NXPE4: variants seen among roughly 807,000 people sequenced by gnomAD.
NXPE4 encodes neurexophilin and PC-esterase domain family member 4.
Under a neutral mutation model 33.3 loss-of-function variants are expected in NXPE4, and 42 were observed. The observed-to-expected ratio is 1.26, with a 90% CI of 0.98 to 1.63. The LOEUF (loss-of-function observed/expected upper bound fraction) is 1.63. Among genes scored for constraint, NXPE4 ranks in the 40% most tolerant of loss-of-function variants. NXPE4 has a pLI of 0.00. For missense variants in NXPE4, 709 were observed against 647.6 expected (o/e 1.09, Z -1.03); for synonymous variants, 253 against 234.9 (o/e 1.08, Z -0.71).
the NXPE4 span, among the ~76,000 whole-genome samples, chr11:114,619,466 G>A: frequency 6.7e-6 from 1 of 149,414 alleles, no homozygotes; most frequent in Non-Finnish European, 1.5e-5. Context: ...TGCCTCGTGG[G>A]TAACCACTGT....
the NXPE4 span, among the ~76,000 whole-genome samples, chr11:114,651,526 A>G: frequency 6.6e-6 from 1 of 152,358 alleles, no homozygotes; most frequent in Middle Eastern, 3.4e-3. Flanking sequence ...AGCATGGAAG[A>G]GAATCCGAAA....
the NXPE4 span, among the ~76,000 whole-genome samples, chr11:114,628,672 G>A: frequency 1.6e-4 from 19 of 116,692 alleles, no homozygotes; most frequent in East Asian, 4.5e-3. Context: ...ACTAAAATCA[G>A]AGCAGAACTG....
the NXPE4 span, among the ~76,000 whole-genome samples, chr11:114,639,709 T>C: frequency 1.1e-4 from 15 of 133,406 alleles, no homozygotes; most frequent in South Asian, 3.1e-3. Context: ...ATATATTCTA[T>C]AATATATAAT....
chr11:114,631,531 G>A, the NXPE4 span, among the ~76,000 whole-genome samples: 1 of 118,228 alleles, frequency 8.5e-6, no homozygotes, highest in Non-Finnish European at 1.7e-5. Context: ...TGTGGGGTGG[G>A]GGGAGGGGGG....
At chr11:114,600,032 A>G (rs1330820597), upstream of NXPE4, among the ~76,000 whole-genome samples, 14 of 152,312 alleles carry the variant, frequency 9.2e-5, no homozygotes, top group East Asian at 2.7e-3. Context: ...CAAATATGGC[A>G]AAAGTGAAGG....
rs143764016 is a variant in NXPE4 at position 114,580,112 on chromosome 11, T to G, written c.1099+20A>C. 2.6e-3 allele frequency: 4,142 copies of G among 1,591,932 alleles called. 5 individuals carry two copies. Among genetic ancestry groups the G allele is most frequent in the Non-Finnish European group, 3.3e-3 (3,796 of 1,159,768 alleles). ...AAGTTTCTGAAAGGGGTAAGAATTA[T>G]AGCTTAGACTGAGGCATACTGTTGA... On this transcript the variant is annotated intron_variant, in intron 5 of 5. Coordinates refer to ENST00000375478, the MANE Select transcript of NXPE4 (RefSeq NM_001077639.2).
chr11:114,665,905 C>A, the NXPE4 span, among the ~76,000 whole-genome samples: 3 of 152,148 alleles, frequency 2.0e-5, no homozygotes, highest in African/African-American at 7.2e-5. Context: ...AAATAGTTGT[C>A]TCCATGACAA....
At chr11:114,661,225 T>C in the NXPE4 span, among the ~76,000 whole-genome samples, 2 of 152,264 alleles carry the variant, frequency 1.3e-5, no homozygotes, top group African/African-American at 4.8e-5. Flanking sequence ...TCCAGTAGGG[T>C]ACTTTTTATT....
At chr11:114,576,978 TATATATATATATAC>T (rs1949007637) in intron 5 of NXPE4, among the ~76,000 whole-genome samples, 1 of 85,498 alleles carries the variant, frequency 1.2e-5, no homozygotes, top group Admixed American at 1.3e-4. Context: ...AAGATGTTTA[TATATATATATATAC>T]ATATATATAT....
chr11:114,672,701 AC>A, the NXPE4 span, among the ~76,000 whole-genome samples: 1 of 151,978 alleles, frequency 6.6e-6, no homozygotes, highest in African/African-American at 2.4e-5. Flanking sequence ...CCATAATGTC[AC>A]CATGGATAAT....
At chr11:114,637,539 A>T in the NXPE4 span, among the ~76,000 whole-genome samples, 1 of 150,714 alleles carries the variant, frequency 6.6e-6, no homozygotes, top group Middle Eastern at 3.4e-3. Context: ...TCGTTAGTTG[A>T]TACAGTTTCT....
chr11:114,577,460 G>A (rs1172627721), intron 5 of NXPE4, among the ~76,000 whole-genome samples: 5 of 152,018 alleles, frequency 3.3e-5, no homozygotes, highest in Non-Finnish European at 5.9e-5. Context: ...ACACTGCTCG[G>A]GCGATGGGTG....
At chr11:114,600,139 A>G (rs886115985), upstream of NXPE4, among the ~76,000 whole-genome samples, 15 of 152,166 alleles carry the variant, frequency 9.9e-5, no homozygotes, top group Non-Finnish European at 7.3e-5. Context: ...TTGAAGAAAA[A>G]CAAGTTTATT....
the NXPE4 span, among the ~76,000 whole-genome samples, chr11:114,623,374 C>A: frequency 6.6e-6 from 1 of 151,908 alleles, no homozygotes; most frequent in Non-Finnish European, 1.5e-5. Flanking sequence ...CACTTTTAAA[C>A]GTGGGATAAT....
At chr11:114,586,540 T>C (rs943022479) in intron 2 of NXPE4, among the ~76,000 whole-genome samples, 8 of 152,182 alleles carry the variant, frequency 5.3e-5, no homozygotes, top group African/African-American at 1.9e-4. Flanking sequence ...CAGGGAGAAC[T>C]TAGCTAATCC....
At chr11:114,579,240 G>A (rs1395213800) in intron 5 of NXPE4, among the ~76,000 whole-genome samples, 2 of 152,104 alleles carry the variant, frequency 1.3e-5, no homozygotes, top group Non-Finnish European at 2.9e-5. Flanking sequence ...CTGACAGAGC[G>A]AGAACTCACT....
chr11:114,661,067 C>A, the NXPE4 span, among the ~76,000 whole-genome samples: 3 of 152,084 alleles, frequency 2.0e-5, no homozygotes, highest in East Asian at 5.8e-4. Context: ...TACACAAGAT[C>A]TATATACTGC....
the NXPE4 span, among the ~76,000 whole-genome samples, chr11:114,676,390 AAG>A: frequency 0.098 from 14,950 of 152,006 alleles, 929 homozygotes; most frequent in African/African-American, 0.17. Flanking sequence ...TTAAATATAA[AAG>A]AACTCAAATA....
At chr11:114,578,264 A>G (rs1427680293) in intron 5 of NXPE4, among the ~76,000 whole-genome samples, 3 of 152,160 alleles carry the variant, frequency 2.0e-5, no homozygotes, top group Non-Finnish European at 4.4e-5. Context: ...TCTGCTTCCA[A>G]CTTACTTCAG....
Sources: gnomAD v4.1 joint callset for allele counts (sites outside exome capture counted in the v4.1 genomes callset) on GRCh38, gnomAD v4.1.1 for gene constraint, MANE v1.5 for transcripts, NCBI Gene and HGNC (gene_info 2026-07-23, HGNC 2026-07-21) for gene names.